KHDRBS2: variants seen among roughly 807,000 people sequenced by gnomAD.
KHDRBS2 encodes the protein KH RNA binding domain containing, signal transduction associated 2.
A neutral mutation model predicts 44.3 loss-of-function variants in KHDRBS2; 26 were observed. The ratio of observed to expected loss-of-function variants is 0.59; its 90% CI spans 0.43 to 0.81. The LOEUF (loss-of-function observed/expected upper bound fraction) is 0.81. Ranked by LOEUF, KHDRBS2 falls within the 40% of genes least tolerant of loss-of-function variation. The probability of loss-of-function intolerance (pLI) is 0.00; values close to 1 mark genes in which losing one functional copy is unlikely to be tolerated. For missense variants in KHDRBS2, 476 were observed against 433.1 expected, an observed-to-expected ratio of 1.10 and a Z score of -0.88; for synonymous variants, 194 against 151.1, an observed-to-expected ratio of 1.28 and a Z score of -2.08.
intron 1 of KHDRBS2, among the ~76,000 whole-genome samples, chr6:62,277,432 C>T (rs1355920667): frequency 6.6e-6 from 1 of 152,124 alleles, no homozygotes; most frequent in African/African-American, 2.4e-5. Context: ...ACCTCCACCT[C>T]CCGGGTTCAC....
At chr6:61,947,060 C>A (rs2127380830) in intron 4 of KHDRBS2, among the ~76,000 whole-genome samples, 1 of 152,190 alleles carries the variant, frequency 6.6e-6, no homozygotes, top group Middle Eastern at 3.4e-3. Context: ...TATATTCAGC[C>A]AATTAAAGAG....
intron 1 of KHDRBS2, among the ~76,000 whole-genome samples, chr6:62,260,748 C>G (rs755964180): frequency 6.6e-6 from 1 of 151,896 alleles, no homozygotes; most frequent in African/African-American, 2.4e-5. Context: ...CTCCCTGTAG[C>G]AAGTTTAACC....
intron 3 of KHDRBS2, among the ~76,000 whole-genome samples, 159 bp from the exon 4 acceptor site, chr6:61,978,371 C>A (rs1464893697): frequency 6.6e-6 from 1 of 152,008 alleles, no homozygotes; most frequent in Non-Finnish European, 1.5e-5. Context: ...AAATCTGCTA[C>A]AAGCCATTTA....
intron 3 of KHDRBS2, among the ~76,000 whole-genome samples, chr6:62,044,701 G>C (rs1396397874): frequency 1.3e-5 from 2 of 151,908 alleles, no homozygotes; most frequent in African/African-American, 2.4e-5. Context: ...AGCACACAAG[G>C]AGCCCCTCAT....
At chr6:62,127,592 T>G (rs951856177) in intron 2 of KHDRBS2, among the ~76,000 whole-genome samples, 2 of 152,162 alleles carry the variant, frequency 1.3e-5, no homozygotes, top group Non-Finnish European at 2.9e-5. Context: ...TTTTATAAAT[T>G]CAAATTGAAA....
chr6:61,711,859 T>C (rs1770560679), intron 7 of KHDRBS2, among the ~76,000 whole-genome samples: 1 of 151,888 alleles, frequency 6.6e-6, no homozygotes, highest in South Asian at 2.1e-4. Context: ...ACCAGTTTGT[T>C]ACTGGTATAG....
chr6:61,760,468 A>G (rs965285119), intron 6 of KHDRBS2, among the ~76,000 whole-genome samples: 2 of 152,034 alleles, frequency 1.3e-5, no homozygotes, highest in Non-Finnish European at 2.9e-5. Context: ...CCTCAACTCT[A>G]CAAAAAATAC....
chr6:62,088,621 G>T (rs557963331), intron 2 of KHDRBS2, among the ~76,000 whole-genome samples: 1 of 152,270 alleles, frequency 6.6e-6, no homozygotes, highest in African/African-American at 2.4e-5. Flanking sequence ...GAGCTCTCCT[G>T]TATGAGCTTT....
intron 2 of KHDRBS2, among the ~76,000 whole-genome samples, chr6:62,140,606 T>C (rs2150097696): frequency 6.6e-6 from 1 of 152,312 alleles, no homozygotes; most frequent in South Asian, 2.1e-4. Flanking sequence ...GCTTGTATGA[T>C]ACACATATTA....
intron 6 of KHDRBS2, among the ~76,000 whole-genome samples, chr6:61,741,041 T>A (rs1582528632): frequency 6.6e-6 from 1 of 151,930 alleles, no homozygotes; most frequent in Admixed American, 6.6e-5. Context: ...GTAATAAATA[T>A]ATTTTGTACA....
At chr6:62,255,646 AC>A (rs1837272593) in intron 1 of KHDRBS2, among the ~76,000 whole-genome samples, 1 of 134,294 alleles carries the variant, frequency 7.4e-6, no homozygotes, top group Non-Finnish European at 1.7e-5. Flanking sequence ...ACACACACAC[AC>A]ACACACACAA....
intron 1 of KHDRBS2, among the ~76,000 whole-genome samples, chr6:62,262,731 A>G (rs1012018288): frequency 1.1e-4 from 16 of 151,802 alleles, no homozygotes; most frequent in Admixed American, 4.6e-4. Context: ...TGCTTAAAAC[A>G]TGGTTATACT....
At chr6:61,764,436 G>C (rs1260341822) in intron 6 of KHDRBS2, among the ~76,000 whole-genome samples, 1 of 151,954 alleles carries the variant, frequency 6.6e-6, no homozygotes, top group Non-Finnish European at 1.5e-5. Context: ...TGAACTATTA[G>C]GTTGGTGCAA....
At chr6:61,856,937 C>CAGAAAATG (rs1474546956) in intron 6 of KHDRBS2, among the ~76,000 whole-genome samples, 5 of 152,012 alleles carry the variant, frequency 3.3e-5, no homozygotes, top group Non-Finnish European at 7.4e-5. Flanking sequence ...TTTCTTTGTC[C>CAGAAAATG]AGAAAATGAG....
At chr6:61,858,798 AATGTAAT>A (rs1165848766) in intron 6 of KHDRBS2, among the ~76,000 whole-genome samples, 1 of 151,980 alleles carries the variant, frequency 6.6e-6, no homozygotes, top group Admixed American at 6.6e-5. Flanking sequence ...CTAACTTTAC[AATGTAAT>A]ATATAATAGC....
chr6:62,008,134 G>T (rs1001478534), intron 3 of KHDRBS2, among the ~76,000 whole-genome samples: 3 of 152,126 alleles, frequency 2.0e-5, no homozygotes, highest in African/African-American at 7.2e-5. Flanking sequence ...AATCACAAAA[G>T]TTCTCATTAA....
At chr6:61,552,709 G>C in the KHDRBS2 span, among the ~76,000 whole-genome samples, 61 of 152,136 alleles carry the variant, frequency 4.0e-4, no homozygotes, top group African/African-American at 5.5e-4. Context: ...TAACATAAAG[G>C]GATGTTGAAT....
chr6:62,181,057 T>C (rs1349247625), intron 1 of KHDRBS2, among the ~76,000 whole-genome samples: 1 of 150,416 alleles, frequency 6.6e-6, no homozygotes. Context: ...CAAAGTGAAT[T>C]AAAGACTTAA....
chr6:62,164,320 A>G (rs546236493), intron 2 of KHDRBS2, among the ~76,000 whole-genome samples: 1 of 152,080 alleles, frequency 6.6e-6, no homozygotes, highest in East Asian at 1.9e-4. Context: ...AAAAACTATA[A>G]GGTATTCGGC....
Sources: gnomAD v4.1 joint callset for allele counts (sites outside exome capture counted in the v4.1 genomes callset) on GRCh38, gnomAD v4.1.1 for gene constraint, MANE v1.5 for transcripts, NCBI Gene and HGNC (gene_info 2026-07-23, HGNC 2026-07-21) for gene names.